Variants in PAWR observed in about 807,000 individuals in gnomAD.
PAWR encodes pro-apoptotic WT1 regulator, also known as PRKC apoptosis WT1 regulator protein.
Under a neutral mutation model 32.0 loss-of-function variants are expected in PAWR, and 23 were observed. The observed-to-expected ratio is 0.72, with a 90% CI of 0.52 to 1.02. The LOEUF is 1.02. PAWR is among the 50% of genes least tolerant of loss of function. The pLI, the probability that PAWR is intolerant of heterozygous loss-of-function variation, is 0.00. For synonymous variants in PAWR, 226 were observed against 187.1 expected, an observed-to-expected ratio of 1.21 and a Z score of -1.70; for missense variants, 457 against 437.7, an observed-to-expected ratio of 1.04 and a Z score of -0.39.
At chr12:79,675,043 G>A (rs1400904414) in intron 2 of PAWR, among the ~76,000 whole-genome samples, 2 of 152,096 alleles carry the variant, frequency 1.3e-5, no homozygotes, top group Admixed American at 6.6e-5. Context: ...TCCAGACCCA[G>A]CAATCCTTTT....
At chr12:79,623,372 AT>A (rs1875122457) in intron 2 of PAWR, among the ~76,000 whole-genome samples, 1 of 152,224 alleles carries the variant, frequency 6.6e-6, no homozygotes, top group African/African-American at 2.4e-5. Context: ...TATTAACATA[AT>A]TGTTAACATC....
At chr12:79,619,606 A>G (rs1874905128) in intron 3 of PAWR, among the ~76,000 whole-genome samples, 1 of 152,148 alleles carries the variant, frequency 6.6e-6, no homozygotes, top group African/African-American at 2.4e-5. Flanking sequence ...TCCCTTTGAT[A>G]TGGGGGTACT....
At position 79,689,758 on chromosome 12, in the gene PAWR, T is replaced by A; in HGVS notation, c.487A>T (p.Thr163Ser). The change falls in exon 2 of 7, where the codon ACC becomes TCC. Residue 163 changes from threonine (T) to serine (S), a missense_variant. By Grantham distance (58) the Thr-to-Ser change is moderately conservative. Transcript: ENST00000328827. ...KRKLREKRRS[T>S]GVVNIPAAEC... is the part of the protein sequence containing the mutation. The stretch of plus-strand genomic sequence containing the variant: ...GCGGCAGGGATGTTGACCACGCCGG[T>A]GGAGCGCCGCTTCTCCCGCAGCTTC... 6.3e-7 allele frequency: 1 copy of A among 1,577,116 alleles called. No individual in the cohort carries two copies. Among genetic ancestry groups the A allele is most frequent in the Non-Finnish European group, 8.6e-7 (1 of 1,163,806 alleles).
intron 5 of PAWR, among the ~76,000 whole-genome samples, chr12:79,595,253 A>T (rs1389214713): frequency 6.6e-6 from 1 of 151,046 alleles, no homozygotes. Context: ...CTGATTTTTA[A>T]TTTTTTTTTT....
At chr12:79,595,592 A>G (rs1873720715) in intron 5 of PAWR, among the ~76,000 whole-genome samples, 1 of 152,244 alleles carries the variant, frequency 6.6e-6, no homozygotes, top group Admixed American at 6.5e-5. Flanking sequence ...CACGCCTGTA[A>G]TTCCAGCACT....
chr12:79,632,884 G>C (rs1416736551), intron 2 of PAWR, among the ~76,000 whole-genome samples: 11 of 151,882 alleles, frequency 7.2e-5, no homozygotes, highest in African/African-American at 2.7e-4. Flanking sequence ...CTGTAATCCC[G>C]GCACTTTGGG....
At chr12:79,662,073 G>A (rs1251944545) in intron 2 of PAWR, among the ~76,000 whole-genome samples, 1 of 151,678 alleles carries the variant, frequency 6.6e-6, no homozygotes, top group African/African-American at 2.4e-5. Context: ...CAGTCAATAC[G>A]CATAGTAGCA....
At chr12:79,684,067 A>G (rs1317598243) in intron 2 of PAWR, among the ~76,000 whole-genome samples, 1 of 152,198 alleles carries the variant, frequency 6.6e-6, no homozygotes, top group African/African-American at 2.4e-5. Flanking sequence ...AAAATATAAA[A>G]GCACTTAAGA....
intron 2 of PAWR, among the ~76,000 whole-genome samples, chr12:79,642,977 C>G (rs8176835): frequency 1.3e-5 from 2 of 152,190 alleles, no homozygotes; most frequent in South Asian, 4.1e-4. Flanking sequence ...AATAGGAATT[C>G]TTTTAAATTG....
At chr12:79,604,449 T>C (rs941264844) in intron 4 of PAWR, 1 of 1,059,974 alleles carries the variant, frequency 9.4e-7, no homozygotes, top group Admixed American at 5.5e-5. Flanking sequence ...ATTGGCAGCA[T>C]TAAGAGATTA....
At chr12:79,613,983 T>A (rs866113718) in intron 3 of PAWR, among the ~76,000 whole-genome samples, 457 of 3,796 alleles carry the variant, frequency 0.12, no homozygotes, top group South Asian at 0.31. Context: ...ATATATATTT[T>A]TTTTTTTTTT....
rs965711622 is a variant in PAWR at position 79,690,463 on chromosome 12, G to A, written c.-147-72C>T. The A allele has an allele frequency of 1.3e-5, 13 of 998,510 alleles. No individual in the cohort carries two copies. In the African/African-American group the frequency reaches 1.9e-4, roughly 14 times the overall value. 61.9% of individuals were successfully genotyped at this position (998,510 alleles called of 1,614,324 possible). ...CCGCCCGACCCAAGGGTCTGCCCCC[G>A]GGCTGCGCCCCTTGGAGTCCTCGAG... On this transcript the variant is annotated intron_variant, in intron 1 of 6. Transcript: ENST00000328827.
intron 3 of PAWR, among the ~76,000 whole-genome samples, chr12:79,615,874 T>G (rs540428227): frequency 1.3e-5 from 2 of 151,746 alleles, no homozygotes; most frequent in Non-Finnish European, 2.9e-5. Flanking sequence ...CTAGGCAACA[T>G]GGTGAAACTC....
In PAWR at chr12:79,585,537, T is replaced by G. The variant is rs956690454; in HGVS notation, c.*7070A>C. 6.0e-6 allele frequency: 1 copy of G among 165,300 alleles called. No individual in the cohort carries two copies. Among genetic ancestry groups the G allele is most frequent in the African/African-American group, 2.4e-5 (1 of 41,554 alleles). The allele number at this position is 165,300 out of a possible 1,614,324, so 10.2% of individuals were successfully genotyped here. A position where few individuals can be genotyped will look rare whatever the true frequency, so the allele number is the denominator to read the frequency against. ...CTAGCTTTGTGATACAATGTCACCT[T>G]ACCAATCTGTACACTCCACAAGTTT... On this transcript the variant is annotated 3_prime_UTR_variant, in exon 7 of 7. Coordinates refer to ENST00000328827, the MANE Select transcript of PAWR (RefSeq NM_002583.4).
intron 2 of PAWR, among the ~76,000 whole-genome samples, chr12:79,628,081 A>G (rs1019096187): frequency 2.6e-5 from 4 of 152,230 alleles, no homozygotes; most frequent in African/African-American, 4.8e-5. Flanking sequence ...AGCAAATGTA[A>G]AAGAACAGAA....
intron 2 of PAWR, among the ~76,000 whole-genome samples, chr12:79,683,425 A>T (rs1195457278): frequency 6.6e-6 from 1 of 152,152 alleles, no homozygotes; most frequent in Non-Finnish European, 1.5e-5. Flanking sequence ...TGTGTACCAA[A>T]ATCACTCAAG....
chr12:79,668,640 A>AGAG (rs1431188041), intron 2 of PAWR, among the ~76,000 whole-genome samples: 1 of 152,212 alleles, frequency 6.6e-6, no homozygotes, highest in African/African-American at 2.4e-5. Context: ...GCAGTTCAAA[A>AGAG]GAGGGTTCGT....
intron 2 of PAWR, among the ~76,000 whole-genome samples, chr12:79,644,648 C>T (rs1876485585): frequency 6.6e-6 from 1 of 152,082 alleles, no homozygotes; most frequent in Non-Finnish European, 1.5e-5. Context: ...AGAAAGCTTC[C>T]TGCTTTTTTA....
At chr12:79,632,361 A>ATATTTTTTTTTT (rs1566011212) in intron 2 of PAWR, among the ~76,000 whole-genome samples, 1 of 20,606 alleles carries the variant, frequency 4.9e-5, no homozygotes, top group African/African-American at 3.0e-4. Context: ...ATATATATAT[A>ATATTTTTTTTTT]TTTTTTTTTT....
Sources: allele counts gnomAD v4.1 joint callset (sites outside exome capture counted in the v4.1 genomes callset), GRCh38; gene constraint gnomAD v4.1.1; transcripts MANE v1.5; gene names NCBI Gene and HGNC (gene_info 2026-07-23, HGNC 2026-07-21).